The following DLG5 variants were observed in gnomAD, a reference collection of about 807,000 sequenced individuals.
DLG5 encodes the protein disks large homolog 5.
In DLG5, 48 loss-of-function variants were observed where a neutral mutation model predicts 189.8. The ratio of observed to expected loss-of-function variants is 0.25; its 90% CI spans 0.20 to 0.32. DLG5 has a LOEUF of 0.32. DLG5 is among the 10% of genes least tolerant of loss of function. DLG5 has a pLI of 1.00. For synonymous variants in DLG5, 1,016 were observed against 1,054.1 expected (o/e 0.96, Z 0.70); for missense variants, 2,160 against 2,544.7 (o/e 0.85, Z 3.25).
intron 20 of DLG5, among the ~76,000 whole-genome samples, chr10:77,815,814 C>T (rs939837469): frequency 2.6e-5 from 4 of 152,178 alleles, no homozygotes; most frequent in Non-Finnish European, 5.9e-5. Flanking sequence ...TTAAGATCTA[C>T]AATCTAGACA....
In DLG5 at chr10:77,828,996, CAGG is replaced by C; in HGVS notation, c.2186-14_2186-12del. ...GACTGATGCCACTGTCTGCAAGCCACAGGAGGTCACTGGGTAGCCCCTGGCCTC... is the reference window on the plus strand; with the variant it reads ...GACTGATGCCACTGTCTGCAAGCCACAGGTCACTGGGTAGCCCCTGGCCTC... On this transcript the variant is annotated splice_polypyrimidine_tract_variant and intron_variant, in intron 12 of 31. Transcript: ENST00000372391. The C allele has an allele frequency of 6.2e-7, 1 of 1,613,692 alleles. No homozygotes were observed. The highest frequency in any genetic ancestry group is 1.1e-5 in the South Asian group (1 of 90,964).
intron 1 of DLG5, among the ~76,000 whole-genome samples, chr10:77,914,945 G>A (rs1846319026): frequency 6.6e-6 from 1 of 152,086 alleles, no homozygotes; most frequent in African/African-American, 2.4e-5. Context: ...AACTCCATAG[G>A]GGAAACAGGA....
At chr10:77,921,838 G>A (rs750070661) in intron 1 of DLG5, among the ~76,000 whole-genome samples, 3 of 152,194 alleles carry the variant, frequency 2.0e-5, no homozygotes, top group Non-Finnish European at 4.4e-5. Context: ...GAGGTGTGGG[G>A]AGTGGGAACG....
At chr10:77,808,846 G>A (rs978025500) in intron 24 of DLG5, among the ~76,000 whole-genome samples, 15 of 152,336 alleles carry the variant, frequency 9.8e-5, no homozygotes, top group Admixed American at 7.8e-4. Flanking sequence ...TGTAATCCCT[G>A]TACTTTGGGA....
In DLG5 at chr10:77,862,794, T is replaced by C. The variant is rs114310760; in HGVS notation, c.374-5902A>G. ...GGGTGTGGGGGAAGCTGGAATGCCC[T>C]GCGTTAATCAAAAGAAGCCTGACTC... On this transcript the variant is annotated intron_variant, in intron 2 of 31. Coordinates refer to ENST00000372391, the MANE Select transcript of DLG5 (RefSeq NM_004747.4). 7.6e-3 allele frequency among the ~76,000 whole-genome samples: 1,152 copies of C among 152,260 alleles called. 14 individuals are homozygous for C. Among genetic ancestry groups the C allele is most frequent in the African/African-American group, 0.027 (1,102 of 41,564 alleles).
chr10:77,798,608 T>C (rs912672247), intron 27 of DLG5, among the ~76,000 whole-genome samples: 5 of 152,222 alleles, frequency 3.3e-5, no homozygotes, highest in Non-Finnish European at 5.9e-5. Flanking sequence ...AGTGTGTCTG[T>C]GGATACTTTA....
chr10:77,807,652 G>A (rs141368130), intron 25 of DLG5, 144 bp downstream of exon 25: 13 of 953,038 alleles, frequency 1.4e-5, no homozygotes, highest in South Asian at 5.1e-5. Flanking sequence ...ATAAATAAGC[G>A]TGCAGATTGA....
rs1223820954 is a variant in DLG5, at chr10:77,822,110, G to T, written c.2383-9C>A. ...GAGCTCTGAGGGAATACCTAGGCAG[G>T]GATTGCAGAGGAGTGAGAGAGAGAG... On this transcript the variant is annotated splice_polypyrimidine_tract_variant and intron_variant, in intron 14 of 31. Transcript: ENST00000372391. The T allele has an allele frequency of 6.2e-7, 1 of 1,604,066 alleles. No homozygotes were observed. The highest frequency in any genetic ancestry group is 1.3e-5 in the African/African-American group (1 of 74,662).
At position 77,796,644 on chromosome 10, in the gene DLG5, CCTG is replaced by C. The variant is rs775195682; in HGVS notation, c.5165-53_5165-51del. The C allele has an allele frequency of 6.2e-7, 1 of 1,608,680 alleles. No individual in the cohort carries two copies. The highest frequency in any genetic ancestry group is 2.2e-5 in the East Asian group (1 of 44,752). Reference sequence around the variant, plus strand: ...CACGGACCCAGCTTGGAGTGGAGGACCTGAGTGGGGCTGGGGAACCCCGCTCCC... The same window carrying C: ...CACGGACCCAGCTTGGAGTGGAGGACAGTGGGGCTGGGGAACCCCGCTCCC... On this transcript the variant is annotated intron_variant, in intron 27 of 31. Transcript: ENST00000372391. The surrounding 1 kb of genome is among the most constrained non-coding windows in gnomAD (Gnocchi z 5.2).
intron 1 of DLG5, among the ~76,000 whole-genome samples, chr10:77,894,323 C>G (rs1404736350): frequency 6.6e-6 from 1 of 152,030 alleles, no homozygotes; most frequent in African/African-American, 2.4e-5. Flanking sequence ...ACTCTCCTTG[C>G]CCCTAAAACA....
Position 77,796,111 on chromosome 10 carries a change from C to T in DLG5, c.5386G>A (p.Gly1796Ser), listed in dbSNP as rs761637044. 1.8e-5 allele frequency: 29 copies of T among 1,614,066 alleles called. No individual in the cohort carries two copies. Among genetic ancestry groups the T allele is most frequent in the South Asian group, 3.3e-5 (3 of 91,086 alleles). ...CLFVDYKRRS[G>S]HFDVTTVASI... ...GCCACAGTGGTCACATCGAAATGGC[C>T]GCTTCTCCGCTTATAGTCGACAAAC... is the stretch of plus-strand genomic sequence containing the variant. The change falls in exon 29 of 32, where the codon GGC becomes AGC. Residue 1796 changes from glycine to serine, a missense_variant. Physicochemically the swap from Gly to Ser is moderately conservative, Grantham distance 56. This residue lies in a region of DLG5 where 574 missense variants were observed against 644.2 expected (regional missense o/e 0.89). Coordinates refer to ENST00000372391, the MANE Select transcript of DLG5 (RefSeq NM_004747.4). The surrounding 1 kb of genome is among the most constrained non-coding windows in gnomAD (Gnocchi z 5.2).
At chr10:77,802,624 G>A (rs1166132491) in intron 27 of DLG5, among the ~76,000 whole-genome samples, 1 of 152,226 alleles carries the variant, frequency 6.6e-6, no homozygotes, top group African/African-American at 2.4e-5. Context: ...AGTGCCTTGC[G>A]CCTGTAATCC....
the DLG5 span, among the ~76,000 whole-genome samples, chr10:77,939,157 G>A: frequency 6.6e-6 from 1 of 152,188 alleles, no homozygotes; most frequent in African/African-American, 2.4e-5. Context: ...TCCAGCCTGG[G>A]CAACAAGAGT....
At chr10:77,890,114 G>T (rs1031756995) in intron 1 of DLG5, among the ~76,000 whole-genome samples, 1 of 152,164 alleles carries the variant, frequency 6.6e-6, no homozygotes, top group African/African-American at 2.4e-5. Flanking sequence ...CCCAAAAGGT[G>T]GTGATGAGGA....
intron 20 of DLG5, among the ~76,000 whole-genome samples, chr10:77,815,215 C>T (rs1039437253): frequency 6.6e-6 from 1 of 152,234 alleles, no homozygotes; most frequent in Non-Finnish European, 1.5e-5. Flanking sequence ...TGCTCCTGCG[C>T]GTGCCACATG....
At chr10:77,852,583 T>C (rs1308590094) in intron 5 of DLG5, among the ~76,000 whole-genome samples, 1 of 151,878 alleles carries the variant, frequency 6.6e-6, no homozygotes, top group Non-Finnish European at 1.5e-5. Context: ...GCCCGGCTAA[T>C]TTTTTGTATT....
In DLG5 at chr10:77,793,929, C is replaced by A. The variant is rs746221266; in HGVS notation, c.5656+79G>T. On this transcript the variant is annotated intron_variant, in intron 31 of 31. Transcript: ENST00000372391. ...CATGTAGAAAGTGCGGGCTTCTCCA[C>A]GGCTAAGAAAACAGCCTTAGGAAGC... 3 of 1,351,966 alleles carry A rather than the reference C, an allele frequency of 2.2e-6. No homozygotes were observed. The East Asian group carries it at 6.9e-5, about 31-fold the overall frequency. 83.7% of individuals were successfully genotyped at this position (1,351,966 alleles called of 1,614,324 possible). A position where few individuals can be genotyped will look rare whatever the true frequency, so the allele number is the denominator to read the frequency against.
At chr10:77,916,553 A>C (rs934464201) in intron 1 of DLG5, among the ~76,000 whole-genome samples, 2 of 151,958 alleles carry the variant, frequency 1.3e-5, no homozygotes, top group African/African-American at 4.8e-5. Context: ...CAGCCTCCCA[A>C]AATGCTGGGA....
intron 25 of DLG5, among the ~76,000 whole-genome samples, 183 bp downstream of exon 25, chr10:77,807,612 AG>A (rs1228842433): frequency 6.6e-6 from 1 of 152,160 alleles, no homozygotes; most frequent in African/African-American, 2.4e-5. Context: ...TAAGCCCTAA[AG>A]GGTTGTTCTA....
Sources: allele counts gnomAD v4.1 joint callset (sites outside exome capture counted in the v4.1 genomes callset), GRCh38; gene constraint gnomAD v4.1.1; regional missense constraint gnomAD v4.1.1; non-coding constraint Gnocchi (gnomAD v3.1); transcripts MANE v1.5; gene names NCBI Gene and HGNC (gene_info 2026-07-23, HGNC 2026-07-21).